Variants in RBFOX1 observed in about 807,000 individuals in gnomAD.
The protein encoded by RBFOX1 is RNA binding protein fox-1 homolog 1.
RBFOX1 carries 8 observed loss-of-function variants against 57.7 expected under a neutral mutation model. The ratio of observed to expected loss-of-function variants is 0.14; its 90% CI spans 0.08 to 0.25. The LOEUF is 0.25. RBFOX1 is among the 10% of genes least tolerant of loss of function. RBFOX1 has a pLI of 1.00. For synonymous variants in RBFOX1, 326 were observed against 222.4 expected, an observed-to-expected ratio of 1.47 and a Z score of -4.15; for missense variants, 611 against 548.5, an observed-to-expected ratio of 1.11 and a Z score of -1.14.
chr16:5,656,876 G>A (rs2049447704), intron 3 of RBFOX1, among the ~76,000 whole-genome samples: 1 of 152,108 alleles, frequency 6.6e-6, no homozygotes, highest in Non-Finnish European at 1.5e-5. Context: ...AGTAGGAGTT[G>A]AACAATGAGA....
At chr16:5,338,299 C>T (rs2064949008) in intron 1 of RBFOX1, among the ~76,000 whole-genome samples, 1 of 152,168 alleles carries the variant, frequency 6.6e-6, no homozygotes, top group Admixed American at 6.5e-5. Context: ...TCAAGCTGGA[C>T]CAGTCAGATT....
chr16:7,560,970 G>A (rs570091556), intron 5 of RBFOX1, among the ~76,000 whole-genome samples: 60 of 152,276 alleles, frequency 3.9e-4, no homozygotes, highest in African/African-American at 1.1e-3. Context: ...GAACTCATCC[G>A]TTGTCCTGTG....
At chr16:5,351,439 A>G (rs1328745644) in intron 1 of RBFOX1, among the ~76,000 whole-genome samples, 1 of 152,100 alleles carries the variant, frequency 6.6e-6, no homozygotes, top group Non-Finnish European at 1.5e-5. Context: ...CAGGATTTGA[A>G]CTTCAGGCTG....
intron 3 of RBFOX1, among the ~76,000 whole-genome samples, chr16:5,821,288 C>G (rs866189546): frequency 1.7e-3 from 213 of 125,468 alleles, no homozygotes; most frequent in African/African-American, 5.4e-3. Flanking sequence ...GTCATTCTCT[C>G]TTTTTTTATT....
intron 3 of RBFOX1, among the ~76,000 whole-genome samples, chr16:5,681,471 C>T (rs2050336537): frequency 6.6e-6 from 1 of 151,192 alleles, no homozygotes; most frequent in Non-Finnish European, 1.5e-5. Context: ...TCACTGCAAC[C>T]TCCCCATCCC....
chr16:6,402,882 A>C (rs979372707), intron 2 of RBFOX1, among the ~76,000 whole-genome samples: 2 of 152,232 alleles, frequency 1.3e-5, no homozygotes, highest in Admixed American at 6.5e-5. Context: ...TGTAATTGTG[A>C]TTGAAGCAGG....
chr16:7,231,331 T>C (rs563195867), intron 4 of RBFOX1, among the ~76,000 whole-genome samples: 2 of 152,300 alleles, frequency 1.3e-5, no homozygotes, highest in East Asian at 3.9e-4. Context: ...AGGAATCGAC[T>C]ACTATCGTTC....
At chr16:6,153,687 C>G (rs930048611) in intron 1 of RBFOX1, among the ~76,000 whole-genome samples, 1 of 152,110 alleles carries the variant, frequency 6.6e-6, no homozygotes, top group Non-Finnish European at 1.5e-5. Context: ...AGGTGCCCAC[C>G]ACCATGCCTG....
intron 3 of RBFOX1, among the ~76,000 whole-genome samples, chr16:6,950,061 C>G (rs1417782785): frequency 2.6e-5 from 4 of 151,478 alleles, no homozygotes; most frequent in Non-Finnish European, 5.9e-5. Context: ...ATTGTCCTGC[C>G]TCAGCCTCCC....
intron 1 of RBFOX1, among the ~76,000 whole-genome samples, chr16:5,310,031 C>G (rs1181346437): frequency 6.6e-6 from 1 of 152,182 alleles, no homozygotes; most frequent in African/African-American, 2.4e-5. Context: ...CATGGATGCA[C>G]TTTTCCTATT....
At chr16:5,656,032 A>T (rs1372336249) in intron 3 of RBFOX1, among the ~76,000 whole-genome samples, 1 of 152,234 alleles carries the variant, frequency 6.6e-6, no homozygotes, top group Non-Finnish European at 1.5e-5. Context: ...GCTCGTTAAA[A>T]GCTTGTGGAA....
intron 3 of RBFOX1, among the ~76,000 whole-genome samples, chr16:6,882,669 C>G (rs2063191517): frequency 1.3e-5 from 2 of 152,152 alleles, no homozygotes; most frequent in Middle Eastern, 3.4e-3. Flanking sequence ...TTGGCAGGTA[C>G]CCATTGGCTG....
chr16:7,208,172 G>T (rs2090381882), intron 4 of RBFOX1, among the ~76,000 whole-genome samples: 1 of 152,096 alleles, frequency 6.6e-6, no homozygotes, highest in Non-Finnish European at 1.5e-5. Context: ...ATCTTACTTG[G>T]GCTGAGGTAT....
chr16:6,726,653 C>A (rs1471714862), intron 3 of RBFOX1, among the ~76,000 whole-genome samples: 1 of 152,148 alleles, frequency 6.6e-6, no homozygotes, highest in Non-Finnish European at 1.5e-5. Context: ...TGTGCATGCC[C>A]AGAGAACTAG....
chr16:6,805,806 T>C (rs1329191821), intron 3 of RBFOX1, among the ~76,000 whole-genome samples: 1 of 152,210 alleles, frequency 6.6e-6, no homozygotes, highest in Non-Finnish European at 1.5e-5. Flanking sequence ...TTTTCACATC[T>C]TCGCTGCCCT....
intron 3 of RBFOX1, among the ~76,000 whole-genome samples, chr16:5,822,278 T>TG (rs1403852952): frequency 6.6e-6 from 1 of 151,954 alleles, no homozygotes. Flanking sequence ...TTTGGGGACT[T>TG]GGGGGGAATA....
intron 3 of RBFOX1, among the ~76,000 whole-genome samples, chr16:6,984,372 C>T (rs1010827424): frequency 2.6e-5 from 4 of 152,156 alleles, no homozygotes; most frequent in Admixed American, 6.5e-5. Flanking sequence ...ATGAAAAAGC[C>T]TACATCCTAC....
chr16:6,907,333 CAGAG>C (rs2070285905), intron 3 of RBFOX1, among the ~76,000 whole-genome samples: 1 of 152,158 alleles, frequency 6.6e-6, no homozygotes, highest in Non-Finnish European at 1.5e-5. Flanking sequence ...GAGCTTCACT[CAGAG>C]AAACAGTGTA....
chr16:7,189,738 T>G (rs996273732), intron 4 of RBFOX1, among the ~76,000 whole-genome samples: 2 of 152,212 alleles, frequency 1.3e-5, no homozygotes, highest in Non-Finnish European at 2.9e-5. Context: ...GTTCCCGTGG[T>G]TCCCACAGAC....
Sources: allele counts gnomAD v4.1 joint callset (sites outside exome capture counted in the v4.1 genomes callset), GRCh38; gene constraint gnomAD v4.1.1; transcripts MANE v1.5; gene names NCBI Gene and HGNC (gene_info 2026-07-23, HGNC 2026-07-21).